Variants in ART1 observed in about 807,000 individuals in gnomAD.
ART1 encodes ADP-ribosyltransferase 1, also known as GPI-linked NAD(P)(+)--arginine ADP-ribosyltransferase 1.
A neutral mutation model predicts 27.0 loss-of-function variants in ART1; 29 were observed. The ratio of observed to expected loss-of-function variants is 1.08; its 90% CI spans 0.80 to 1.47. The LOEUF is 1.47. Ranked by LOEUF, ART1 falls within the 40% of genes most tolerant of loss-of-function variation. The probability of loss-of-function intolerance (pLI) is 0.00; values close to 1 mark genes in which losing one functional copy is unlikely to be tolerated. For synonymous variants in ART1, 201 were observed against 172.2 expected (o/e 1.17, Z -1.31); for missense variants, 480 against 423.0 (o/e 1.13, Z -1.18).
chr11:3,650,014 CTTAA>C (rs1287238335), intron 1 of ART1, among the ~76,000 whole-genome samples: 3 of 152,168 alleles, frequency 2.0e-5, no homozygotes, highest in Non-Finnish European at 2.9e-5. Flanking sequence ...CACAACAGGA[CTTAA>C]TTAACCTCAC....
intron 4 of ART1, among the ~76,000 whole-genome samples, chr11:3,662,250 T>G (rs2077626907): frequency 6.6e-6 from 1 of 152,216 alleles, no homozygotes; most frequent in South Asian, 2.1e-4. Context: ...GTGTGTATAA[T>G]AAGCAAATTG....
At chr11:3,646,333 T>A (rs763827236) in intron 1 of ART1, among the ~76,000 whole-genome samples, 9 of 151,908 alleles carry the variant, frequency 5.9e-5, no homozygotes, top group Non-Finnish European at 1.0e-4. Flanking sequence ...GGAAGGAGAA[T>A]CTAGGATGGA....
At chr11:3,660,515 G>C (rs1228593440) in intron 3 of ART1, 152 bp downstream of exon 3, 2 of 954,284 alleles carry the variant, frequency 2.1e-6, no homozygotes, top group Non-Finnish European at 3.0e-6. Context: ...TCCATCTAAG[G>C]GGAGACATAA....
chr11:3,653,784 C>G (rs1032679873), intron 1 of ART1, among the ~76,000 whole-genome samples: 9 of 151,206 alleles, frequency 6.0e-5, no homozygotes, highest in Non-Finnish European at 1.2e-4. Flanking sequence ...TAAATTCCAC[C>G]TCCTACCTCT....
At position 3,659,849 on chromosome 11, in the gene ART1, C is replaced by T; in HGVS notation, c.330C>T (p.Phe110=). The T allele has an allele frequency of 6.2e-7, 1 of 1,612,562 alleles. No individual in the cohort carries two copies. The highest frequency in any genetic ancestry group is 1.7e-5 in the Admixed American group (1 of 59,978). ...PTRPSPPPLG[F]RDEHGVALLA... The stretch of plus-strand genomic sequence containing the variant: ...GTCCATCCCCGCCACCCCTGGGCTT[C>T]CGCGATGAGCATGGGGTGGCCCTCC... The change falls in exon 3 of 5, where the codon TTC becomes TTT. Residue 110 remains phenylalanine, a synonymous_variant. Coordinates refer to ENST00000250693, the MANE Select transcript of ART1 (RefSeq NM_004314.3).
chr11:3,659,809 G>A lies in ART1; in HGVS notation c.290G>A (p.Ser97Asn), dbSNP rs2077602937. The A allele has an allele frequency of 6.2e-7, 1 of 1,612,558 alleles. No homozygotes were observed. The highest frequency in any genetic ancestry group is 1.3e-5 in the African/African-American group (1 of 74,938). The change falls in exon 3 of 5, where the codon AGT becomes AAT. Residue 97 changes from serine (S) to asparagine (N), a missense_variant. By Grantham distance (46) the Ser-to-Asn change is conservative. Coordinates refer to ENST00000250693, the MANE Select transcript of ART1 (RefSeq NM_004314.3). ...CGTCAGGCCAGGTGGCCAGAGTGGA[G>A]TCTCAGCCCCACCCGTCCATCCCCG... ...QERQARWPEW[S>N]LSPTRPSPPP...
Position 3,659,863 on chromosome 11 carries a change from G to A in ART1, c.344G>A (p.Gly115Glu). 1 of 1,612,706 alleles carries A rather than the reference G, an allele frequency of 6.2e-7. No individual in the cohort carries two copies. The highest frequency in any genetic ancestry group is 8.5e-7 in the Non-Finnish European group (1 of 1,179,652). The change falls in exon 3 of 5, where the codon GGG (glycine) becomes GAG (glutamate). Residue 115 changes from glycine to glutamate, a missense_variant. By Grantham distance (98) the Gly-to-Glu change is moderately conservative. Transcript: ENST00000250693. ...CCCCTGGGCTTCCGCGATGAGCATG[G>A]GGTGGCCCTCCTGGCCTACACAGCC... ...PPPLGFRDEH[G>E]VALLAYTANS... is the part of the protein sequence containing the mutation.
At chr11:3,657,992 G>C (rs954493697) in intron 1 of ART1, among the ~76,000 whole-genome samples, 3 of 152,012 alleles carry the variant, frequency 2.0e-5, no homozygotes, top group African/African-American at 7.2e-5. Context: ...GAGGAAAAAA[G>C]GTAATAAAAT....
At chr11:3,648,588 CAA>C (rs2077488612) in intron 1 of ART1, among the ~76,000 whole-genome samples, 1 of 152,182 alleles carries the variant, frequency 6.6e-6, no homozygotes, top group Admixed American at 6.5e-5. Flanking sequence ...CTGGTAGAGA[CAA>C]AGGAGACACG....
chr11:3,652,588 G>GT (rs1269774729), intron 1 of ART1, among the ~76,000 whole-genome samples: 8 of 152,152 alleles, frequency 5.3e-5, no homozygotes, highest in Admixed American at 5.2e-4. Context: ...TTGAGCTCCT[G>GT]TATAGACGCT....
intron 1 of ART1, among the ~76,000 whole-genome samples, chr11:3,649,216 C>A (rs1185716898): frequency 6.6e-6 from 1 of 152,150 alleles, no homozygotes; most frequent in African/African-American, 2.4e-5. Flanking sequence ...CTCTCAAGAA[C>A]TTAAAACCTC....
In ART1 at chr11:3,663,404, G is replaced by C. The variant is rs562754135; in HGVS notation, c.887-688G>C. ...GTCCACTCCACACCTCTCCTACCAG[G>C]GTTTGGGTAGAGGAGCCAAGTTCAG... is the stretch of plus-strand genomic sequence containing the variant. On this transcript the variant is annotated intron_variant, in intron 4 of 4. Coordinates refer to ENST00000250693, the MANE Select transcript of ART1 (RefSeq NM_004314.3). Among the ~76,000 whole-genome samples, 7 of 152,192 alleles carry C rather than the reference G, an allele frequency of 4.6e-5. No homozygotes were observed. In the South Asian group the frequency reaches 1.0e-3, roughly 23 times the overall value.
At chr11:3,656,920 T>C (rs189984040) in intron 1 of ART1, among the ~76,000 whole-genome samples, 52 of 152,310 alleles carry the variant, frequency 3.4e-4, no homozygotes, top group African/African-American at 1.2e-3. Context: ...ATTTTGGACA[T>C]GTGGAATTTG....
At chr11:3,655,468 TAC>T (rs1306777533) in intron 1 of ART1, 1 of 152,166 alleles carries the variant, frequency 6.6e-6, no homozygotes, top group East Asian at 1.9e-4. Flanking sequence ...TTAAATCCCT[TAC>T]ACTTTTGGCC....
chr11:3,661,402 T>C lies in ART1; in HGVS notation c.875T>C (p.Leu292Pro), dbSNP rs767127118. 6.2e-7 allele frequency: 1 copy of C among 1,612,600 alleles called. No homozygotes were observed. Among genetic ancestry groups the C allele is most frequent in the Admixed American group, 1.7e-5 (1 of 59,880 alleles). The change falls in exon 4 of 5, where the codon CTG becomes CCG. Residue 292 changes from leucine (L) to proline (P), a missense_variant. Coordinates refer to ENST00000250693, the MANE Select transcript of ART1 (RefSeq NM_004314.3). ...AAGTGCAAGTCTGGGCCTTGCCATC[T>C]GGATAATTCAGGTAAGGGCTGCAGG... ...DKKCKSGPCH[L>P]DNSAMGQSPL... is the part of the protein sequence containing the mutation.
At chr11:3,646,872 A>G (rs1267709417) in intron 1 of ART1, among the ~76,000 whole-genome samples, 1 of 152,240 alleles carries the variant, frequency 6.6e-6, no homozygotes, top group Non-Finnish European at 1.5e-5. Flanking sequence ...TGGGACTACA[A>G]TAATGAGCAA....
At chr11:3,651,564 G>C (rs544006204) in intron 1 of ART1, among the ~76,000 whole-genome samples, 2 of 150,468 alleles carry the variant, frequency 1.3e-5, no homozygotes, top group Non-Finnish European at 2.9e-5. Flanking sequence ...TTTTAGCCTA[G>C]CCCTCATGTC....
chr11:3,653,803 T>C (rs1227998251), intron 1 of ART1, among the ~76,000 whole-genome samples: 2 of 147,450 alleles, frequency 1.4e-5, no homozygotes, highest in Admixed American at 6.7e-5. Context: ...CTGTCTATCC[T>C]CACTGCCATT....
In ART1 at chr11:3,657,001, A is replaced by G. The variant is rs116418866; in HGVS notation, c.-52-2161A>G. Among the ~76,000 whole-genome samples, 562 of 152,346 alleles carry G rather than the reference A, an allele frequency of 3.7e-3. 4 individuals carry two copies. The highest frequency in any genetic ancestry group is 0.013 in the African/African-American group (521 of 41,584). The stretch of plus-strand genomic sequence containing the variant: ...ACATTTAAATTGTGTATTGGCAATT[A>G]TAGGATCTTAGATTTGAAGATTAAT... On this transcript the variant is annotated intron_variant, in intron 1 of 4. Coordinates refer to ENST00000250693, the MANE Select transcript of ART1 (RefSeq NM_004314.3).
Sources: gnomAD v4.1 joint callset for allele counts (sites outside exome capture counted in the v4.1 genomes callset) on GRCh38, gnomAD v4.1.1 for gene constraint, MANE v1.5 for transcripts, NCBI Gene and HGNC (gene_info 2026-07-23, HGNC 2026-07-21) for gene names.